TRIM2: variants seen among roughly 807,000 people sequenced by gnomAD.
The protein encoded by TRIM2 is tripartite motif containing 2, also known as tripartite motif-containing protein 2.
Under a neutral mutation model 75.2 loss-of-function variants are expected in TRIM2, and 20 were observed. The observed-to-expected ratio is 0.27, with a 90% confidence interval of 0.19 to 0.39. TRIM2 has a LOEUF of 0.39. TRIM2 is among the 10% of genes least tolerant of loss of function. The pLI, the probability that TRIM2 is intolerant of heterozygous loss-of-function variation, is 1.00. For synonymous variants in TRIM2, 373 were observed against 388.3 expected (o/e 0.96, Z 0.46); for missense variants, 660 against 990.8 (o/e 0.67, Z 4.48).
intron 3 of TRIM2, among the ~76,000 whole-genome samples, chr4:153,282,862 C>T (rs569108006): frequency 4.7e-4 from 72 of 152,150 alleles, no homozygotes; most frequent in African/African-American, 1.7e-3. Context: ...GATCATGGCT[C>T]ATGGCAGCCT....
intron 1 of TRIM2, among the ~76,000 whole-genome samples, chr4:153,246,351 T>C (rs947052431): frequency 6.6e-6 from 1 of 152,186 alleles, no homozygotes; most frequent in African/African-American, 2.4e-5. Flanking sequence ...CTGGGATTTG[T>C]ACCCACATTT....
intron 6 of TRIM2, chr4:153,308,627 T>A (rs1765542916): frequency 1.5e-5 from 9 of 620,530 alleles, no homozygotes. Context: ...TTGGTCTTGA[T>A]GGCCATTTCA....
At chr4:153,174,160 T>C (rs188837656) in intron 1 of TRIM2, among the ~76,000 whole-genome samples, 37 of 50,770 alleles carry the variant, frequency 7.3e-4, no homozygotes, top group African/African-American at 4.0e-3. Context: ...TGCCTATGGG[T>C]TTTATTTCTC....
chr4:153,303,950 G>C (rs1764457761), intron 6 of TRIM2, among the ~76,000 whole-genome samples: 1 of 152,134 alleles, frequency 6.6e-6, no homozygotes, highest in African/African-American at 2.4e-5. Flanking sequence ...ACGATGAGAT[G>C]CTTACTCTGA....
At chr4:153,244,360 CT>C (rs1748122091) in intron 1 of TRIM2, among the ~76,000 whole-genome samples, 3 of 28,752 alleles carry the variant, frequency 1.0e-4, no homozygotes, top group South Asian at 3.2e-3. Flanking sequence ...TCTTCCTCTT[CT>C]TCTTCTTCTT....
At chr4:153,259,530 CT>C (rs1473195175) in intron 1 of TRIM2, among the ~76,000 whole-genome samples, 14 of 152,178 alleles carry the variant, frequency 9.2e-5, no homozygotes, top group African/African-American at 3.4e-4. Context: ...AAGAGAAATA[CT>C]TTTGAATTTT....
chr4:153,300,603 G>T (rs535732110), intron 6 of TRIM2, among the ~76,000 whole-genome samples: 1 of 151,880 alleles, frequency 6.6e-6, no homozygotes, highest in East Asian at 1.9e-4. Flanking sequence ...GTGCAGTGGC[G>T]TGATCTCAGC....
chr4:153,268,438 CA>C (rs1755835573), intron 1 of TRIM2, among the ~76,000 whole-genome samples: 1 of 152,156 alleles, frequency 6.6e-6, no homozygotes. Context: ...CGGGAATGAA[CA>C]AGGACAGCTT....
At chr4:153,207,382 C>G (rs1344025961) in intron 1 of TRIM2, among the ~76,000 whole-genome samples, 1 of 152,190 alleles carries the variant, frequency 6.6e-6, no homozygotes, top group Non-Finnish European at 1.5e-5. Flanking sequence ...TTCAGACGAA[C>G]CTGGAGTCCA....
In TRIM2 at chr4:153,261,036, C is replaced by G. The variant is rs185240305; in HGVS notation, c.31-9299C>G. 2.2e-4 allele frequency among the ~76,000 whole-genome samples: 33 copies of G among 152,168 alleles called. 1 individual carries two copies. Among genetic ancestry groups the G allele is most frequent in the African/African-American group, 6.3e-4 (26 of 41,514 alleles). On this transcript the variant is annotated intron_variant, in intron 1 of 11. Coordinates refer to ENST00000338700, the MANE Select transcript of TRIM2 (RefSeq NM_015271.5). Reference sequence around the variant, plus strand: ...TAGCATACTGTGATTTATAGATAATCCAAATGGTTCAGGATTTCCTTTCTA... The same window carrying G: ...TAGCATACTGTGATTTATAGATAATGCAAATGGTTCAGGATTTCCTTTCTA...
At chr4:153,174,981 TTTG>T (rs946997243) in intron 1 of TRIM2, among the ~76,000 whole-genome samples, 7 of 145,764 alleles carry the variant, frequency 4.8e-5, no homozygotes, top group South Asian at 2.2e-4. Flanking sequence ...TGGTGCAGTT[TTTG>T]TTGTTGTTGT....
chr4:153,209,156 C>A (rs894325028), intron 1 of TRIM2, among the ~76,000 whole-genome samples: 1 of 152,220 alleles, frequency 6.6e-6, no homozygotes, highest in Non-Finnish European at 1.5e-5. Flanking sequence ...AGCCTGGTGA[C>A]CTTGGTGCAC....
intron 1 of TRIM2, among the ~76,000 whole-genome samples, chr4:153,217,229 G>C (rs1453895274): frequency 6.6e-6 from 1 of 152,064 alleles, no homozygotes; most frequent in Non-Finnish European, 1.5e-5. Flanking sequence ...GAGTATACAG[G>C]GTAATAAGCA....
chr4:153,315,637 T>C, intron 7 of TRIM2, 49 bp downstream of exon 7: 2 of 1,486,630 alleles, frequency 1.3e-6, no homozygotes, highest in Non-Finnish European at 1.8e-6. Flanking sequence ...GATAAAAATA[T>C]ATATAGTTAC....
intron 1 of TRIM2, among the ~76,000 whole-genome samples, chr4:153,237,084 T>C (rs979033275): frequency 2.0e-5 from 3 of 152,150 alleles, no homozygotes; most frequent in Admixed American, 1.3e-4. Context: ...AGGAAACAAA[T>C]AGAATTGAAA....
intron 1 of TRIM2, among the ~76,000 whole-genome samples, chr4:153,183,735 G>C (rs183605965): frequency 1.3e-5 from 2 of 152,310 alleles, no homozygotes; most frequent in Admixed American, 1.3e-4. Context: ...GAGGAGGCCT[G>C]GAGTGCAGGG....
chr4:153,262,925 G>T (rs1753933920), intron 1 of TRIM2, among the ~76,000 whole-genome samples: 1 of 152,124 alleles, frequency 6.6e-6, no homozygotes, highest in Non-Finnish European at 1.5e-5. Context: ...TTTTGTGAAG[G>T]CGCTTTCATG....
chr4:153,180,123 A>G (rs1309070659), intron 1 of TRIM2, among the ~76,000 whole-genome samples: 4 of 152,202 alleles, frequency 2.6e-5, no homozygotes, highest in Non-Finnish European at 5.9e-5. Context: ...GGGAGAGTCA[A>G]GTGATAACAC....
intron 1 of TRIM2, among the ~76,000 whole-genome samples, chr4:153,217,415 C>G (rs984858532): frequency 1.4e-4 from 22 of 152,070 alleles, no homozygotes; most frequent in Admixed American, 3.3e-4. Context: ...GAAAAGGCCA[C>G]CCCAGACTCA....
Sources: allele counts gnomAD v4.1 joint callset (sites outside exome capture counted in the v4.1 genomes callset), GRCh38; gene constraint gnomAD v4.1.1; transcripts MANE v1.5; gene names NCBI Gene and HGNC (gene_info 2026-07-23, HGNC 2026-07-21).